CFAP65: variants seen among roughly 807,000 people sequenced by gnomAD.
CFAP65 encodes cilia- and flagella-associated protein 65.
In CFAP65, 155 loss-of-function variants were observed where a neutral mutation model predicts 208.0. The observed-to-expected ratio is 0.75, with a 90% CI of 0.65 to 0.85. CFAP65 has a LOEUF of 0.85. Among genes scored for constraint, CFAP65 ranks in the 40% least tolerant of loss-of-function variants. CFAP65 has a pLI of 0.00. For missense variants in CFAP65, 2,294 were observed against 2,451.3 expected (o/e 0.94, Z 1.36); for synonymous variants, 970 against 986.3 (o/e 0.98, Z 0.31).
At position 219,024,163 on chromosome 2, in the gene CFAP65, C is replaced by G; in HGVS notation, c.2447G>C (p.Arg816Thr). ...GGGCCGAAGGATGACGTCTGAGCCT[C>G]TCTGGGGGGCCAGGCTGAAGGTCAG... is the stretch of plus-strand genomic sequence containing the variant. Reference protein sequence around the residue: ...KLLTFSLAPQRGSDVILRPTS... With the variant: ...KLLTFSLAPQTGSDVILRPTS... Residue 816 changes from arginine (R) to threonine (T), a missense_variant, in exon 15 of 35, where the codon AGA (arginine) becomes ACA (threonine). By Grantham distance (71) the Arg-to-Thr change is moderately conservative (BLOSUM62 -1). Coordinates refer to ENST00000341552, the MANE Select transcript of CFAP65 (RefSeq NM_194302.4). The G allele has an allele frequency of 6.2e-7, 1 of 1,614,048 alleles. No individual in the cohort carries two copies. Among genetic ancestry groups the G allele is most frequent in the Non-Finnish European group, 8.5e-7 (1 of 1,180,044 alleles).
Position 219,035,673 on chromosome 2 carries a change from G to C in CFAP65, c.358-9C>G, listed in dbSNP as rs201836590. ...TCCATGGAGCTTGCGGGCTGTTCAGGTGGCAGGGAGAAGGGGGAGCAGAAA... is the reference window on the plus strand; with the variant it reads ...TCCATGGAGCTTGCGGGCTGTTCAGCTGGCAGGGAGAAGGGGGAGCAGAAA... On this transcript the variant is annotated splice_polypyrimidine_tract_variant and intron_variant, in intron 4 of 34. Transcript: ENST00000341552. The C allele has an allele frequency of 1.7e-4, 275 of 1,605,206 alleles. No individual in the cohort carries two copies. The highest frequency in any genetic ancestry group is 2.3e-4 in the Non-Finnish European group (265 of 1,174,408).
chr2:219,007,795 A>T (rs1946124595), intron 29 of CFAP65, among the ~76,000 whole-genome samples: 1 of 151,856 alleles, frequency 6.6e-6, no homozygotes, highest in Non-Finnish European at 1.5e-5. Context: ...CACTCACATT[A>T]AAAAGTATTT....
chr2:219,035,287 G>T, intron 5 of CFAP65, 193 bp downstream of exon 5: 1 of 1,493,306 alleles, frequency 6.7e-7, no homozygotes, highest in Non-Finnish European at 8.9e-7. Context: ...GGCACACATT[G>T]GGACACTATA....
At position 219,006,584 on chromosome 2, in the gene CFAP65, A is replaced by G. The variant is rs1946009760; in HGVS notation, c.4675-75T>C. On this transcript the variant is annotated intron_variant, in intron 29 of 34. Coordinates refer to ENST00000341552, the MANE Select transcript of CFAP65 (RefSeq NM_194302.4). The stretch of plus-strand genomic sequence containing the variant: ...GGTGGTGCTTCATGCCTGTAATCCC[A>G]GCACTTTGGAAGGCCAAGGCGGGCG... 6.1e-6 allele frequency: 9 copies of G among 1,479,386 alleles called. No homozygotes were observed. In the East Asian group the frequency reaches 1.1e-4, roughly 19 times the overall value. 91.6% of individuals were successfully genotyped at this position (1,479,386 alleles called of 1,614,324 possible).
Position 219,030,174 on chromosome 2 carries a change from T to C in CFAP65, c.1196A>G (p.Asp399Gly), listed in dbSNP as rs1299796877. ...GAAGGCCTGGTCTTCGGCCAGTTCA[T>C]CCGGGGAAATTTCAATCCTGAAGGG... is the stretch of plus-strand genomic sequence containing the variant. ...NAPFRIEISPDELAEDQAFSC... is the reference protein window; with the variant it reads ...NAPFRIEISPGELAEDQAFSC... The change falls in exon 10 of 35, where the codon GAT (aspartate) becomes GGT (glycine). Residue 399 changes from aspartate to glycine, a missense_variant. Physicochemically the swap from Asp to Gly is moderately conservative, Grantham distance 94. Transcript: ENST00000341552. 7 of 1,614,048 alleles carry C rather than the reference T, an allele frequency of 4.3e-6. No homozygotes were observed. The highest frequency in any genetic ancestry group is 5.9e-6 in the Non-Finnish European group (7 of 1,179,984).
chr2:219,009,831 T>G (rs970940270), intron 27 of CFAP65, 111 bp downstream of exon 27: 19 of 363,370 alleles, frequency 5.2e-5, no homozygotes, highest in East Asian at 1.4e-4. Flanking sequence ...TGGGATGGGA[T>G]GGGGTTTGTG....
intron 21 of CFAP65, 94 bp from the exon 22 acceptor site, chr2:219,014,138 T>G: frequency 8.9e-7 from 1 of 1,121,596 alleles, no homozygotes; most frequent in Middle Eastern, 2.3e-4. Flanking sequence ...GGAGGCTTCT[T>G]CCATGACTCC....
chr2:219,020,775 C>T (rs1160960311), intron 19 of CFAP65, among the ~76,000 whole-genome samples: 1 of 152,234 alleles, frequency 6.6e-6, no homozygotes, highest in African/African-American at 2.4e-5. Flanking sequence ...AGTTCCAGAG[C>T]CTCTGGCCCC....
intron 4 of CFAP65, among the ~76,000 whole-genome samples, 195 bp downstream of exon 4, chr2:219,038,180 G>A (rs1353847619): frequency 1.3e-5 from 2 of 152,156 alleles, no homozygotes; most frequent in Non-Finnish European, 2.9e-5. Context: ...GAGTGTGTTC[G>A]ATGGCCAATA....
Position 219,003,272 on chromosome 2 carries a change from C to G in CFAP65, c.5556G>C (p.Arg1852Ser). The G allele has an allele frequency of 1.3e-6, 2 of 1,533,402 alleles. No homozygotes were observed. Among genetic ancestry groups the G allele is most frequent in the South Asian group, 2.4e-5 (2 of 81,700 alleles). 95.0% of individuals were successfully genotyped at this position (1,533,402 alleles called of 1,614,324 possible). ...CCTGCAGGTTGGCGAAGGCCGGGAG[C>G]CTGCGAGGGGGCGGGGGCTAGCATG... ...QEQDEKEAIR[R>S]LPAFANLQEA... Residue 1852 changes from arginine (R) to serine (S), a missense_variant and splice_region_variant, in exon 34 of 35, where the codon AGG (arginine) becomes AGC (serine). Physicochemically the swap from Arg to Ser is moderately radical, Grantham distance 110. Around this residue, in one of 2 missense-constraint regions of CFAP65, gnomAD observed 1,427 missense variants for 1,438.7 expected, o/e 0.99. Transcript: ENST00000341552. The surrounding 1 kb of genome is among the most constrained non-coding windows in gnomAD (Gnocchi z 4.4).
chr2:219,024,288 C>A (rs770307278), intron 14 of CFAP65, 28 bp from the exon 15 acceptor site: 9 of 1,593,064 alleles, frequency 5.6e-6, no homozygotes, highest in Middle Eastern at 4.3e-4. Flanking sequence ...GGAAAGCGGC[C>A]CCCCGCTCAG....
intron 13 of CFAP65, chr2:219,027,261 C>T: frequency 7.3e-7 from 1 of 1,370,266 alleles, no homozygotes; most frequent in Non-Finnish European, 9.4e-7. Context: ...GACTTTGTCT[C>T]TAGGCCCAGC....
Position 219,013,563 on chromosome 2 carries a change from G to C in CFAP65, c.3802C>G (p.His1268Asp), listed in dbSNP as rs752501490. The C allele has an allele frequency of 1.2e-6, 2 of 1,600,540 alleles. No homozygotes were observed. Among genetic ancestry groups the C allele is most frequent in the South Asian group, 2.3e-5 (2 of 87,938 alleles). Residue 1268 changes from histidine to aspartate, a missense_variant, in exon 23 of 35, where the codon CAC (histidine) becomes GAC (aspartate). This residue lies in a region of CFAP65 where 1,427 missense variants were observed against 1,438.7 expected (regional missense o/e 0.99). Coordinates refer to ENST00000341552, the MANE Select transcript of CFAP65 (RefSeq NM_194302.4). Reference sequence around the variant, plus strand: ...GACACCTTGAAGAGCACTGGGAGGTGATCAGTACCGATGAACAGGTGGCTA... The same window carrying C: ...GACACCTTGAAGAGCACTGGGAGGTCATCAGTACCGATGAACAGGTGGCTA... Reference protein sequence around the residue: ...KYSHLFIGTDHLPVLFKVSHG... With the variant: ...KYSHLFIGTDDLPVLFKVSHG...
At chr2:219,011,427 AC>A in intron 24 of CFAP65, among the ~76,000 whole-genome samples, 1 of 151,954 alleles carries the variant, frequency 6.6e-6, no homozygotes, top group East Asian at 1.9e-4. Context: ...GGCATGCACT[AC>A]CACACACAGC....
At chr2:219,021,582 T>G (rs1168780437) in intron 18 of CFAP65, among the ~76,000 whole-genome samples, 198 bp downstream of exon 18, 1 of 152,148 alleles carries the variant, frequency 6.6e-6, no homozygotes, top group Non-Finnish European at 1.5e-5. Context: ...TTGCCCAGGC[T>G]AGAGGGCAGT....
chr2:219,024,268 T>C lies in CFAP65; in HGVS notation c.2350-8A>G. 1 of 1,606,846 alleles carries C rather than the reference T, an allele frequency of 6.2e-7. No homozygotes were observed. The highest frequency in any genetic ancestry group is 1.3e-5 in the African/African-American group (1 of 74,670). The stretch of plus-strand genomic sequence containing the variant: ...GGACACTGCTGGAAATAGCTGGGGG[T>C]GGGAGAGGAGGAAAGCGGCCCCCCG... On this transcript the variant is annotated splice_polypyrimidine_tract_variant and splice_region_variant and intron_variant, in intron 14 of 34. Transcript: ENST00000341552.
intron 15 of CFAP65, among the ~76,000 whole-genome samples, chr2:219,023,669 G>A (rs777319969): frequency 1.4e-4 from 22 of 152,332 alleles, no homozygotes; most frequent in Non-Finnish European, 2.4e-4. Flanking sequence ...ACCATTCCAC[G>A]GGGCCAGACA....
At chr2:219,036,264 T>A (rs1948351315) in intron 4 of CFAP65, among the ~76,000 whole-genome samples, 1 of 152,144 alleles carries the variant, frequency 6.6e-6, no homozygotes, top group African/African-American at 2.4e-5. Context: ...AGTGCTGCCA[T>A]GTGCGGCGTC....
intron 20 of CFAP65, 115 bp from the exon 21 acceptor site, chr2:219,019,294 G>A (rs900075855): frequency 1.2e-5 from 17 of 1,360,420 alleles, no homozygotes; most frequent in Admixed American, 4.9e-5. Context: ...GAGAATCTGG[G>A]ACTCAGGCGC....
Sources: gnomAD v4.1 joint callset for allele counts (sites outside exome capture counted in the v4.1 genomes callset) on GRCh38, gnomAD v4.1.1 for gene constraint, gnomAD v4.1.1 regional missense constraint, Gnocchi (gnomAD v3.1) non-coding constraint, MANE v1.5 for transcripts, NCBI Gene and HGNC (gene_info 2026-07-23, HGNC 2026-07-21) for gene names.